TNIP3: variants seen among roughly 807,000 people sequenced by gnomAD.
The protein encoded by TNIP3 is TNFAIP3-interacting protein 3.
In TNIP3, 34 loss-of-function variants were observed where a neutral mutation model predicts 54.1. The ratio of observed to expected loss-of-function variants is 0.63; its 90% CI spans 0.48 to 0.84. The LOEUF is 0.84. Among genes scored for constraint, TNIP3 ranks in the 40% least tolerant of loss-of-function variants. The probability of loss-of-function intolerance (pLI) is 0.00; values close to 1 mark genes in which losing one functional copy is unlikely to be tolerated. For synonymous variants in TNIP3, 134 were observed against 136.8 expected, an observed-to-expected ratio of 0.98 and a Z score of 0.14; for missense variants, 366 against 387.6, an observed-to-expected ratio of 0.94 and a Z score of 0.47.
intron 4 of TNIP3, among the ~76,000 whole-genome samples, chr4:121,156,275 G>GT (rs1449230416): frequency 6.6e-6 from 1 of 152,198 alleles, no homozygotes; most frequent in African/African-American, 2.4e-5. Context: ...TTTACACTTT[G>GT]TTTTTTCTTA....
intron 1 of TNIP3, among the ~76,000 whole-genome samples, chr4:121,162,206 C>A (rs1374532001): frequency 6.6e-6 from 1 of 152,154 alleles, no homozygotes; most frequent in African/African-American, 2.4e-5. Flanking sequence ...ATTTCAAGCA[C>A]CTTTTTTCAT....
chr4:121,151,879 C>T (rs1005206529), intron 5 of TNIP3, among the ~76,000 whole-genome samples: 9 of 152,206 alleles, frequency 5.9e-5, no homozygotes, highest in East Asian at 1.9e-4. Flanking sequence ...AGAATATTTA[C>T]GATTAGTATG....
chr4:121,154,329 C>T, intron 5 of TNIP3: 1 of 500,394 alleles, frequency 2.0e-6, no homozygotes, highest in Non-Finnish European at 3.5e-6. Flanking sequence ...TTCTCTTTCT[C>T]ATGATGAATC....
At chr4:121,221,666 T>C (rs1727030271) in intron 1 of TNIP3, among the ~76,000 whole-genome samples, 1 of 152,194 alleles carries the variant, frequency 6.6e-6, no homozygotes, top group South Asian at 2.1e-4. Flanking sequence ...TTTACAGTAA[T>C]GGCTCAAGGG....
intron 10 of TNIP3, 145 bp downstream of exon 10, chr4:121,138,479 G>A (rs1728917727): frequency 1.4e-6 from 1 of 694,932 alleles, no homozygotes; most frequent in South Asian, 1.8e-5. Context: ...TTAACCCCAG[G>A]TGCATCAAAT....
intron 2 of TNIP3, among the ~76,000 whole-genome samples, chr4:121,186,784 A>G (rs1295577276): frequency 6.6e-6 from 1 of 152,232 alleles, no homozygotes; most frequent in African/African-American, 2.4e-5. Context: ...CACCATAAAG[A>G]AAAGAAAAGC....
intron 2 of TNIP3, among the ~76,000 whole-genome samples, chr4:121,201,639 T>C (rs573182978): frequency 3.5e-4 from 54 of 152,288 alleles, no homozygotes; most frequent in Non-Finnish European, 6.2e-4. Context: ...GGAAGAGCCC[T>C]GGACCTGGAA....
chr4:121,169,174 A>G (rs562417571), upstream of TNIP3, among the ~76,000 whole-genome samples: 3 of 152,148 alleles, frequency 2.0e-5, no homozygotes, highest in African/African-American at 7.2e-5. Flanking sequence ...TATAGTGGCA[A>G]GGTCCTGCAC....
chr4:121,167,677 A>C (rs1341700513), upstream of TNIP3, among the ~76,000 whole-genome samples: 1 of 152,244 alleles, frequency 6.6e-6, no homozygotes, highest in Admixed American at 6.5e-5. Context: ...TTACATGATC[A>C]AAGTGGTTTT....
chr4:121,150,422 G>A (rs2148805574), intron 5 of TNIP3, among the ~76,000 whole-genome samples: 1 of 151,270 alleles, frequency 6.6e-6, no homozygotes, highest in Non-Finnish European at 1.5e-5. Flanking sequence ...TTTCCATGAT[G>A]ATGCTTATGT....
At chr4:121,154,459 C>T in intron 5 of TNIP3, 92 bp downstream of exon 5, 4 of 1,500,330 alleles carry the variant, frequency 2.7e-6, no homozygotes, top group Non-Finnish European at 3.7e-6. Context: ...CTGGGACCCA[C>T]ACTGCAGCCT....
chr4:121,137,824 G>C (rs912660728), intron 10 of TNIP3: 5 of 396,082 alleles, frequency 1.3e-5, no homozygotes, highest in Non-Finnish European at 2.5e-5. Flanking sequence ...TCAAATCTTT[G>C]GAAATTAACA....
chr4:121,219,931 C>A (rs1226191937), upstream of TNIP3, among the ~76,000 whole-genome samples: 1 of 152,126 alleles, frequency 6.6e-6, no homozygotes, highest in African/African-American at 2.4e-5. Context: ...ATTTCACTAT[C>A]TTTACTAAAT....
chr4:121,185,844 AAAC>A (rs1277864683), intron 2 of TNIP3, among the ~76,000 whole-genome samples: 4 of 152,242 alleles, frequency 2.6e-5, no homozygotes, highest in Admixed American at 1.3e-4. Flanking sequence ...CTTTGATATT[AAAC>A]AACAATTGAG....
intron 1 of TNIP3, among the ~76,000 whole-genome samples, chr4:121,163,152 G>A (rs1280279942): frequency 6.6e-6 from 1 of 152,148 alleles, no homozygotes; most frequent in Non-Finnish European, 1.5e-5. Context: ...ATAGGTGGGG[G>A]AGGATAGGAG....
At chr4:121,218,503 C>T (rs1310130782), upstream of TNIP3, among the ~76,000 whole-genome samples, 3 of 151,788 alleles carry the variant, frequency 2.0e-5, no homozygotes, top group Non-Finnish European at 4.4e-5. Context: ...TTATAATTTC[C>T]AATAGTTTAT....
intron 2 of TNIP3, among the ~76,000 whole-genome samples, chr4:121,159,881 T>C (rs1730342970): frequency 6.6e-6 from 1 of 152,226 alleles, no homozygotes; most frequent in Admixed American, 6.5e-5. Flanking sequence ...ACAGTCATAA[T>C]GACTAAAAAG....
intron 2 of TNIP3, among the ~76,000 whole-genome samples, chr4:121,198,271 T>C (rs1291652943): frequency 6.6e-6 from 1 of 152,024 alleles, no homozygotes; most frequent in African/African-American, 2.4e-5. Flanking sequence ...TTTATAGGAA[T>C]AGGCTGAAAA....
intron 2 of TNIP3, among the ~76,000 whole-genome samples, chr4:121,194,579 T>C (rs1298468155): frequency 6.6e-6 from 1 of 152,196 alleles, no homozygotes; most frequent in Non-Finnish European, 1.5e-5. Context: ...TTTGTGTGCA[T>C]CATATTACTG....
Sources: allele counts gnomAD v4.1 joint callset (sites outside exome capture counted in the v4.1 genomes callset), GRCh38; gene constraint gnomAD v4.1.1; transcripts MANE v1.5; gene names NCBI Gene and HGNC (gene_info 2026-07-23, HGNC 2026-07-21).